GMDS: variants seen among roughly 807,000 people sequenced by gnomAD.
GMDS encodes the protein GDP-mannose 4,6-dehydratase.
In GMDS, 20 loss-of-function variants were observed where a neutral mutation model predicts 49.9. That is an observed-to-expected ratio of 0.40 (90% CI 0.28 to 0.58). The LOEUF (loss-of-function observed/expected upper bound fraction) is 0.58. GMDS is among the 20% of genes least tolerant of loss of function. The pLI is 0.42. For missense variants in GMDS, 362 were observed against 481.4 expected (o/e 0.75, Z 2.32); for synonymous variants, 177 against 178.6 (o/e 0.99, Z 0.07).
intron 7 of GMDS, among the ~76,000 whole-genome samples, chr6:1,792,426 GT>G (rs1196870108): frequency 1.3e-5 from 2 of 152,080 alleles, no homozygotes; most frequent in Non-Finnish European, 2.9e-5. Flanking sequence ...AATCCAGTTT[GT>G]TTCACCTTCG....
rs1302832127 is a variant in GMDS, at chr6:2,031,756, A to C, written c.346-70790T>G. ...CAGAGGCCAGGCAGCTGAGGAGCAG[A>C]GTGACTGTGGGCAAGCCTGGCGGGT... On this transcript the variant is annotated intron_variant, in intron 4 of 10. Coordinates refer to ENST00000380815, the MANE Select transcript of GMDS (RefSeq NM_001500.4). Among the ~76,000 whole-genome samples the C allele has an allele frequency of 2.0e-5, 3 of 152,194 alleles. No individual in the cohort carries two copies. In the East Asian group the frequency reaches 5.8e-4, roughly 29 times the overall value.
intron 1 of GMDS, among the ~76,000 whole-genome samples, chr6:2,227,242 A>G (rs1475288953): frequency 6.6e-6 from 1 of 152,140 alleles, no homozygotes; most frequent in Non-Finnish European, 1.5e-5. Context: ...AGTCACTACT[A>G]CGGTCCCCAT....
At chr6:2,124,906 C>T (rs992773933) in intron 1 of GMDS, among the ~76,000 whole-genome samples, 175 bp from the exon 2 acceptor site, 1 of 152,186 alleles carries the variant, frequency 6.6e-6, no homozygotes, top group Admixed American at 6.5e-5. Context: ...TTCCACTATA[C>T]ACAAAGCATT....
At chr6:2,241,941 G>A (rs993499142) in intron 1 of GMDS, among the ~76,000 whole-genome samples, 7 of 152,194 alleles carry the variant, frequency 4.6e-5, no homozygotes, top group African/African-American at 1.7e-4. Context: ...GATGTGTTCT[G>A]CTAATGGAAA....
chr6:1,781,750 A>G (rs1769096078), intron 7 of GMDS, among the ~76,000 whole-genome samples: 1 of 152,178 alleles, frequency 6.6e-6, no homozygotes. Flanking sequence ...GTACTGAAAG[A>G]TGAGTCACCA....
intron 1 of GMDS, among the ~76,000 whole-genome samples, chr6:2,140,567 G>A (rs141384565): frequency 0.013 from 1,912 of 152,264 alleles, 73 homozygotes; most frequent in Admixed American, 0.07. Context: ...GCAAGCAGTC[G>A]TTCCCAGTCT....
intron 9 of GMDS, among the ~76,000 whole-genome samples, chr6:1,665,190 T>G (rs779562485): frequency 7.5e-4 from 114 of 152,362 alleles, no homozygotes; most frequent in Non-Finnish European, 1.2e-3. Flanking sequence ...GTTGGTGTGC[T>G]GCACCCATTA....
At chr6:2,131,164 C>T (rs764347322) in intron 1 of GMDS, among the ~76,000 whole-genome samples, 4 of 152,028 alleles carry the variant, frequency 2.6e-5, no homozygotes, top group East Asian at 1.9e-4. Context: ...CAAGGAAGAA[C>T]GCAAATACAA....
chr6:2,237,209 T>A (rs1340140008), intron 1 of GMDS, among the ~76,000 whole-genome samples: 2 of 152,180 alleles, frequency 1.3e-5, no homozygotes, highest in African/African-American at 4.8e-5. Flanking sequence ...ATGAGTAAAT[T>A]TATATAAACA....
chr6:1,670,409 C>T (rs1193944085), intron 9 of GMDS, among the ~76,000 whole-genome samples: 1 of 149,568 alleles, frequency 6.7e-6, no homozygotes, highest in East Asian at 2.0e-4. Flanking sequence ...ATGAGGACAG[C>T]ATTAGACAAA....
chr6:1,643,698 G>T (rs1037218510), intron 9 of GMDS, among the ~76,000 whole-genome samples: 1 of 152,096 alleles, frequency 6.6e-6, no homozygotes, highest in Non-Finnish European at 1.5e-5. Context: ...TTTTGCCTCC[G>T]GTGATGAAAA....
chr6:1,890,843 T>C (rs1167265166), intron 7 of GMDS, among the ~76,000 whole-genome samples: 1 of 152,220 alleles, frequency 6.6e-6, no homozygotes, highest in Non-Finnish European at 1.5e-5. Context: ...TCAATGGTGT[T>C]TTCAAAAGAA....
chr6:2,233,380 T>C (rs1781203179), intron 1 of GMDS, among the ~76,000 whole-genome samples: 1 of 151,610 alleles, frequency 6.6e-6, no homozygotes, highest in African/African-American at 2.4e-5. Flanking sequence ...ACAGCAAACC[T>C]TAGAAAACTT....
At chr6:2,129,509 G>T (rs770163675) in intron 1 of GMDS, among the ~76,000 whole-genome samples, 1 of 152,146 alleles carries the variant, frequency 6.6e-6, no homozygotes, top group South Asian at 2.1e-4. Flanking sequence ...ATACGGTCAT[G>T]GTACTGGGCT....
At chr6:1,974,060 A>G (rs1372883619) in intron 4 of GMDS, among the ~76,000 whole-genome samples, 1 of 152,192 alleles carries the variant, frequency 6.6e-6, no homozygotes, top group Non-Finnish European at 1.5e-5. Flanking sequence ...TGTGGATAAT[A>G]AGCTGTTTTC....
At chr6:1,688,420 T>G (rs573848794) in intron 9 of GMDS, among the ~76,000 whole-genome samples, 1 of 152,332 alleles carries the variant, frequency 6.6e-6, no homozygotes, top group South Asian at 2.1e-4. Flanking sequence ...CTGGTCTACC[T>G]CTTTTTCTTC....
At chr6:1,730,000 C>T (rs1248905096) in intron 8 of GMDS, among the ~76,000 whole-genome samples, 1 of 152,108 alleles carries the variant, frequency 6.6e-6, no homozygotes, top group South Asian at 2.1e-4. Flanking sequence ...GGGAACAACA[C>T]ACTCCTTGTA....
chr6:2,170,095 C>T (rs948099659), intron 1 of GMDS, among the ~76,000 whole-genome samples: 1 of 151,718 alleles, frequency 6.6e-6, no homozygotes, highest in African/African-American at 2.4e-5. Flanking sequence ...CCCAGCTACT[C>T]GGGAGCCTGA....
rs777990274 is a variant in GMDS at position 1,766,705 on chromosome 6, G to A, written c.772-24119C>T. ...TTCCCACAGACGGTTCCCACCTGGG[G>A]ATGTTGAACCAGTCTCACCAGATCT... On this transcript the variant is annotated intron_variant, in intron 7 of 10. Coordinates refer to ENST00000380815, the MANE Select transcript of GMDS (RefSeq NM_001500.4). This position sits in a 1 kb window ranked among gnomAD's most constrained non-coding sequence, Gnocchi z 4.5. 3.3e-5 allele frequency among the ~76,000 whole-genome samples: 5 copies of A among 152,164 alleles called. No individual in the cohort carries two copies. The highest frequency in any genetic ancestry group is 5.9e-5 in the Non-Finnish European group (4 of 68,028).
Sources: allele counts gnomAD v4.1 joint callset (sites outside exome capture counted in the v4.1 genomes callset), GRCh38; gene constraint gnomAD v4.1.1; non-coding constraint Gnocchi (gnomAD v3.1); transcripts MANE v1.5; gene names NCBI Gene and HGNC (gene_info 2026-07-23, HGNC 2026-07-21).